ADAMTS17: variants seen among roughly 807,000 people sequenced by gnomAD.
ADAMTS17 encodes ADAM metallopeptidase with thrombospondin type 1 motif 17, also known as A disintegrin and metalloproteinase with thrombospondin motifs 17.
Under a neutral mutation model 141.5 loss-of-function variants are expected in ADAMTS17, and 113 were observed. The observed-to-expected ratio is 0.80, with a 90% CI of 0.69 to 0.93. The LOEUF (loss-of-function observed/expected upper bound fraction) is 0.93, where lower values mean the gene tolerates loss of function less well. Ranked by LOEUF, ADAMTS17 falls within the 40% of genes least tolerant of loss-of-function variation. ADAMTS17 has a pLI of 0.00. For synonymous variants in ADAMTS17, 768 were observed against 630.6 expected (o/e 1.22, Z -3.27); for missense variants, 1,659 against 1,517.9 (o/e 1.09, Z -1.54).
chr15:100,076,009 G>C (rs530685128), intron 15 of ADAMTS17, among the ~76,000 whole-genome samples: 59 of 152,018 alleles, frequency 3.9e-4, no homozygotes, highest in African/African-American at 1.2e-3. Context: ...TCTTTCTTGA[G>C]GTTTTGTATC....
chr15:100,047,332 C>T (rs6598295), intron 18 of ADAMTS17, among the ~76,000 whole-genome samples: 22,897 of 115,880 alleles, frequency 0.2, 2,987 homozygotes, highest in East Asian at 0.37. Flanking sequence ...CTTGTGATAT[C>T]TTATTACCTT....
chr15:100,036,167 G>C (rs2030692080), intron 18 of ADAMTS17, among the ~76,000 whole-genome samples: 2 of 152,216 alleles, frequency 1.3e-5, no homozygotes, highest in Non-Finnish European at 2.9e-5. Context: ...CATGGTGGGT[G>C]CATGACTTGC....
At chr15:100,260,759 A>T (rs1026163850) in intron 6 of ADAMTS17, among the ~76,000 whole-genome samples, 1 of 152,220 alleles carries the variant, frequency 6.6e-6, no homozygotes, top group African/African-American at 2.4e-5. Context: ...AAAAGCAAGC[A>T]CGCAATTTGG....
chr15:100,132,412 GA>G (rs1437853346), intron 11 of ADAMTS17, among the ~76,000 whole-genome samples: 4 of 152,230 alleles, frequency 2.6e-5, no homozygotes, highest in African/African-American at 9.7e-5. Context: ...CTAAATCCCA[GA>G]AAAAGGATGA....
intron 3 of ADAMTS17, among the ~76,000 whole-genome samples, chr15:100,319,575 G>A (rs767866403): frequency 6.6e-6 from 1 of 152,144 alleles, no homozygotes; most frequent in Non-Finnish European, 1.5e-5. Flanking sequence ...GCTGGGCATG[G>A]TGGCACGCAC....
chr15:100,137,726 C>A (rs192782358), intron 10 of ADAMTS17, among the ~76,000 whole-genome samples: 24 of 152,354 alleles, frequency 1.6e-4, no homozygotes, highest in South Asian at 8.3e-4. Flanking sequence ...TACATATACA[C>A]TACTGTATAG....
chr15:100,113,331 C>A (rs184005162), intron 13 of ADAMTS17, among the ~76,000 whole-genome samples: 1 of 152,286 alleles, frequency 6.6e-6, no homozygotes, highest in Admixed American at 6.5e-5. Flanking sequence ...CCATTTGTGG[C>A]AAACACATTT....
chr15:100,068,251 C>A (rs1015471891), intron 15 of ADAMTS17, among the ~76,000 whole-genome samples: 2 of 152,134 alleles, frequency 1.3e-5, no homozygotes, highest in Non-Finnish European at 1.5e-5. Flanking sequence ...ACAAAGCCAC[C>A]GGGAAGCTCG....
chr15:100,275,261 G>T (rs1328414587), intron 4 of ADAMTS17, among the ~76,000 whole-genome samples: 4 of 152,220 alleles, frequency 2.6e-5, no homozygotes, highest in Non-Finnish European at 5.9e-5. Flanking sequence ...TGGAAAAGCA[G>T]ATGGGTCCTG....
intron 15 of ADAMTS17, among the ~76,000 whole-genome samples, chr15:100,088,609 C>A (rs1382974110): frequency 6.6e-6 from 1 of 151,948 alleles, no homozygotes; most frequent in South Asian, 2.1e-4. Context: ...GCTACAGTAA[C>A]CAAAACAGCA....
chr15:100,096,107 T>C (rs1278068087), intron 15 of ADAMTS17, among the ~76,000 whole-genome samples: 1 of 152,202 alleles, frequency 6.6e-6, no homozygotes, highest in African/African-American at 2.4e-5. Flanking sequence ...CTACCAGTGA[T>C]TCATGGACCT....
At chr15:100,209,773 C>T (rs1339188130) in intron 7 of ADAMTS17, among the ~76,000 whole-genome samples, 2 of 152,116 alleles carry the variant, frequency 1.3e-5, no homozygotes, top group Admixed American at 1.3e-4. Flanking sequence ...GTGGATGGTA[C>T]CAAGTCTCAG....
Position 100,092,316 on chromosome 15 carries a change from G to A in ADAMTS17, c.2137+4040C>T, listed in dbSNP as rs117683529. 2.8e-3 allele frequency among the ~76,000 whole-genome samples: 424 copies of A among 152,142 alleles called. 15 individuals carry two copies. In the East Asian group the frequency reaches 0.076, roughly 27 times the overall value. On this transcript the variant is annotated intron_variant, in intron 15 of 21. Coordinates refer to ENST00000268070, the MANE Select transcript of ADAMTS17 (RefSeq NM_139057.4). ...GGCCTCTGAGTTTATCCATGGCTTC[G>A]CACACAACTTACTCCCATTGATTCT...
intron 3 of ADAMTS17, among the ~76,000 whole-genome samples, chr15:100,327,743 C>T (rs944873553): frequency 6.6e-6 from 1 of 152,202 alleles, no homozygotes; most frequent in Non-Finnish European, 1.5e-5. Flanking sequence ...AAGTTCCAAC[C>T]TGGAGTGCTA....
At chr15:100,164,495 G>A (rs1199501693) in intron 8 of ADAMTS17, among the ~76,000 whole-genome samples, 1 of 152,154 alleles carries the variant, frequency 6.6e-6, no homozygotes, top group African/African-American at 2.4e-5. Context: ...AAGGGAATAG[G>A]GGTCAGGGTC....
intron 12 of ADAMTS17, among the ~76,000 whole-genome samples, chr15:100,125,859 C>G (rs1023514167): frequency 5.3e-5 from 8 of 152,074 alleles, no homozygotes; most frequent in Admixed American, 1.3e-4. Flanking sequence ...GGGGGACTCT[C>G]TTGCCAGTAT....
chr15:100,303,813 G>A (rs2045126818), intron 3 of ADAMTS17, among the ~76,000 whole-genome samples: 1 of 152,054 alleles, frequency 6.6e-6, no homozygotes, highest in Non-Finnish European at 1.5e-5. Context: ...TCTGCCTCCT[G>A]GGAGGTTCAA....
intron 8 of ADAMTS17, among the ~76,000 whole-genome samples, chr15:100,189,971 A>T (rs1567324522): frequency 6.6e-6 from 1 of 152,110 alleles, no homozygotes; most frequent in Non-Finnish European, 1.5e-5. Flanking sequence ...ACTCTTCCCC[A>T]GCTCAGTTCA....
rs1029964266 is a variant in ADAMTS17, at chr15:100,072,888, A to G, written c.2138-18834T>C. On this transcript the variant is annotated intron_variant, in intron 15 of 21. Transcript: ENST00000268070. ...TAAAACACCAAAAGCAATGGCAACA[A>G]AAGCCAAAATTGACAAATGGGACAA... Among the ~76,000 whole-genome samples the G allele has an allele frequency of 3.3e-5, 5 of 152,230 alleles. No individual in the cohort carries two copies. The East Asian group carries it at 9.6e-4, about 29-fold the overall frequency.
Sources: gnomAD v4.1 joint callset for allele counts (sites outside exome capture counted in the v4.1 genomes callset) on GRCh38, gnomAD v4.1.1 for gene constraint, MANE v1.5 for transcripts, NCBI Gene and HGNC (gene_info 2026-07-23, HGNC 2026-07-21) for gene names.